The following ADAMTS6 variants were observed in gnomAD, a reference collection of about 807,000 sequenced individuals.
The protein encoded by ADAMTS6 is A disintegrin and metalloproteinase with thrombospondin motifs 6.
Under a neutral mutation model 144.3 loss-of-function variants are expected in ADAMTS6, and 23 were observed. That is an observed-to-expected ratio of 0.16 (90% CI 0.11 to 0.23). ADAMTS6 has a LOEUF of 0.23. Among genes scored for constraint, ADAMTS6 ranks in the 10% least tolerant of loss-of-function variants. The probability of loss-of-function intolerance (pLI) is 1.00; values close to 1 mark genes in which losing one functional copy is unlikely to be tolerated. For synonymous variants in ADAMTS6, 444 were observed against 457.5 expected (o/e 0.97, Z 0.38); for missense variants, 999 against 1,379.6 (o/e 0.72, Z 4.37).
chr5:65,437,523 T>C (rs1016532594), intron 7 of ADAMTS6, among the ~76,000 whole-genome samples: 3 of 152,092 alleles, frequency 2.0e-5, no homozygotes, highest in Non-Finnish European at 4.4e-5. Flanking sequence ...CAGGTGGGAA[T>C]TGTAGGAGTT....
At chr5:65,342,265 C>G (rs899500599) in intron 7 of ADAMTS6, among the ~76,000 whole-genome samples, 3 of 152,102 alleles carry the variant, frequency 2.0e-5, no homozygotes, top group Non-Finnish European at 4.4e-5. Context: ...AATGGACTCA[C>G]AGTTCCATGT....
intron 7 of ADAMTS6, among the ~76,000 whole-genome samples, chr5:65,449,911 AT>A (rs1200854881): frequency 2.0e-5 from 3 of 152,172 alleles, no homozygotes; most frequent in Non-Finnish European, 4.4e-5. Context: ...TGGAGATATA[AT>A]AATGCAAATG....
chr5:65,224,994 T>C lies in ADAMTS6; in HGVS notation c.2121A>G (p.Arg707=). Residue 707 remains arginine (R), a synonymous_variant, in exon 17 of 25, where the codon CGA becomes CGG. Coordinates refer to ENST00000381055, the MANE Select transcript of ADAMTS6 (RefSeq NM_197941.4). ...LGSDAREDRC[R]VCGGDGSTCD... is the part of the protein sequence containing the mutation. ...ATGTGCTTCCGTCCCCTCCACAGAC[T>C]CGACATCTATCTTCCCTAGCATCAG... is the stretch of plus-strand genomic sequence containing the variant. The C allele has an allele frequency of 6.2e-7, 1 of 1,614,080 alleles. No homozygotes were observed. The highest frequency in any genetic ancestry group is 8.5e-7 in the Non-Finnish European group (1 of 1,180,004).
chr5:65,332,656 C>T (rs1746875691), intron 8 of ADAMTS6, among the ~76,000 whole-genome samples: 1 of 151,938 alleles, frequency 6.6e-6, no homozygotes, highest in African/African-American at 2.4e-5. Context: ...GCAGATATTA[C>T]TCCTACATCA....
intron 9 of ADAMTS6, among the ~76,000 whole-genome samples, chr5:65,325,115 G>A (rs545016252): frequency 7.9e-5 from 12 of 152,214 alleles, no homozygotes; most frequent in African/African-American, 2.4e-4. Flanking sequence ...GTAAAAAGGA[G>A]ATCCATGGTT....
intron 3 of ADAMTS6, among the ~76,000 whole-genome samples, chr5:65,463,077 TAAAA>T (rs57197551): frequency 5.2e-4 from 65 of 123,954 alleles, no homozygotes; most frequent in African/African-American, 1.8e-3. Context: ...AGACTCCGTC[TAAAA>T]AAAAAAAAAA....
Position 65,242,207 on chromosome 5 carries a change from CTAAAA to C in ADAMTS6, c.1831-6_1831-2del, listed in dbSNP as rs1407685830. 1.9e-6 allele frequency: 3 copies of C among 1,587,404 alleles called. No homozygotes were observed. The highest frequency in any genetic ancestry group is 2.6e-6 in the Non-Finnish European group (3 of 1,163,890). On this transcript the variant is annotated splice_acceptor_variant and splice_polypyrimidine_tract_variant and intron_variant, in intron 14 of 24. Transcript: ENST00000381055. LOFTEE classifies it high-confidence loss of function. ...AATCTCGGGAACCCAAAGGGCATGG[CTAAAA>C]TAAAATAAAATCATAAATGGTACCA...
intron 7 of ADAMTS6, among the ~76,000 whole-genome samples, chr5:65,336,919 T>G (rs994438186): frequency 2.0e-5 from 3 of 152,122 alleles, no homozygotes; most frequent in African/African-American, 7.2e-5. Flanking sequence ...TGGCTATATC[T>G]ACCATGATAC....
At chr5:65,395,623 C>G (rs1175864030) in intron 7 of ADAMTS6, among the ~76,000 whole-genome samples, 1 of 152,186 alleles carries the variant, frequency 6.6e-6, no homozygotes, top group African/African-American at 2.4e-5. Flanking sequence ...TTCTTTGCCA[C>G]TAACCATGCC....
intron 22 of ADAMTS6, among the ~76,000 whole-genome samples, chr5:65,182,343 T>C (rs1440873317): frequency 1.3e-5 from 2 of 149,538 alleles, no homozygotes; most frequent in Admixed American, 1.4e-4. Flanking sequence ...CCTAGCTATT[T>C]GGTAGGAAGA....
chr5:65,450,185 T>C (rs1232637965), intron 7 of ADAMTS6, among the ~76,000 whole-genome samples: 1 of 152,156 alleles, frequency 6.6e-6, no homozygotes, highest in Non-Finnish European at 1.5e-5. Flanking sequence ...TGTTGCACAT[T>C]TTATCAGACT....
At chr5:65,176,262 A>G (rs1753976026) in intron 22 of ADAMTS6, among the ~76,000 whole-genome samples, 1 of 152,232 alleles carries the variant, frequency 6.6e-6, no homozygotes, top group South Asian at 2.1e-4. Context: ...TGTCTGCGAA[A>G]GTCGTGAAAG....
chr5:65,323,332 G>T (rs1177528615), intron 9 of ADAMTS6, among the ~76,000 whole-genome samples: 1 of 135,870 alleles, frequency 7.4e-6, no homozygotes, highest in African/African-American at 2.8e-5. Flanking sequence ...TGTTCTCATT[G>T]TTCAGTTCCC....
At chr5:65,176,309 A>G (rs1214265054) in intron 22 of ADAMTS6, among the ~76,000 whole-genome samples, 1 of 152,234 alleles carries the variant, frequency 6.6e-6, no homozygotes, top group African/African-American at 2.4e-5. Flanking sequence ...TATGCAAGAA[A>G]TGTTGTATAA....
chr5:65,278,942 T>G lies in ADAMTS6; in HGVS notation c.1513-5495A>C, dbSNP rs1196584550. 4.2e-5 allele frequency among the ~76,000 whole-genome samples: 5 copies of G among 117,934 alleles called. No homozygotes were observed. In the Admixed American group the frequency reaches 4.5e-4, roughly 11 times the overall value. The allele number at this position is 117,934 out of a possible 152,430, so 77.4% of individuals were successfully genotyped here. Reference sequence around the variant, plus strand: ...TCTAACTGCTGTTTCTTCTTTACAGTCTTTTTTTTTTTTTTTTTTGAGGCA... The same window carrying G: ...TCTAACTGCTGTTTCTTCTTTACAGGCTTTTTTTTTTTTTTTTTTGAGGCA... On this transcript the variant is annotated intron_variant, in intron 11 of 24. Coordinates refer to ENST00000381055, the MANE Select transcript of ADAMTS6 (RefSeq NM_197941.4).
At chr5:65,405,619 G>A (rs1754393302) in intron 7 of ADAMTS6, among the ~76,000 whole-genome samples, 1 of 152,134 alleles carries the variant, frequency 6.6e-6, no homozygotes, top group Non-Finnish European at 1.5e-5. Flanking sequence ...GGATTGACTT[G>A]GCAATGTGGG....
chr5:65,273,263 C>T, intron 12 of ADAMTS6, 77 bp downstream of exon 12: 8 of 1,220,234 alleles, frequency 6.6e-6, no homozygotes, highest in South Asian at 2.6e-5. Flanking sequence ...ATAAGACTTC[C>T]TGGTGGTTGA....
At chr5:65,241,898 T>A (rs1481079586) in intron 15 of ADAMTS6, among the ~76,000 whole-genome samples, 2 of 152,212 alleles carry the variant, frequency 1.3e-5, no homozygotes, top group East Asian at 1.9e-4. Context: ...TGATTTCTGA[T>A]CATTTGTACT....
At chr5:65,344,593 C>T (rs182656304) in intron 7 of ADAMTS6, among the ~76,000 whole-genome samples, 2 of 151,802 alleles carry the variant, frequency 1.3e-5, no homozygotes, top group South Asian at 2.1e-4. Flanking sequence ...TTCACTGATA[C>T]AAAATTAATC....
Sources: gnomAD v4.1 joint callset for allele counts (sites outside exome capture counted in the v4.1 genomes callset) on GRCh38, gnomAD v4.1.1 for gene constraint, MANE v1.5 for transcripts, NCBI Gene and HGNC (gene_info 2026-07-23, HGNC 2026-07-21) for gene names.